ROBO2: variants seen among roughly 807,000 people sequenced by gnomAD.
ROBO2 encodes the protein roundabout guidance receptor 2.
A neutral mutation model predicts 160.8 loss-of-function variants in ROBO2; 53 were observed. The observed-to-expected ratio is 0.33, with a 90% CI of 0.26 to 0.41. The LOEUF (loss-of-function observed/expected upper bound fraction) is 0.41, where lower values mean the gene tolerates loss of function less well. Among genes scored for constraint, ROBO2 ranks in the 10% least tolerant of loss-of-function variants. The pLI, the probability that ROBO2 is intolerant of heterozygous loss-of-function variation, is 1.00. For missense variants in ROBO2, 1,577 were observed against 1,722.4 expected (o/e 0.92, Z 1.49); for synonymous variants, 664 against 611.7 (o/e 1.09, Z -1.26).
At position 76,227,623 on chromosome 3, in the gene ROBO2, T is replaced by A. The variant is rs1229392556; in HGVS notation, c.109+290021T>A. Among the ~76,000 whole-genome samples, 4 of 152,268 alleles carry A rather than the reference T, an allele frequency of 2.6e-5. No homozygotes were observed. The East Asian group carries it at 7.7e-4, about 29-fold the overall frequency. On this transcript the variant is annotated intron_variant, in intron 2 of 26. Coordinates refer to the ROBO2 transcript ENST00000487694. ...ATGTTTCCTTGAATCACTGTGAAAA[T>A]AAGCTTAGTATTTTTAAGAAATCCA...
intron 2 of ROBO2, among the ~76,000 whole-genome samples, chr3:77,224,172 A>G (rs1382827048): frequency 6.6e-6 from 1 of 151,992 alleles, no homozygotes; most frequent in South Asian, 2.1e-4. Flanking sequence ...GTTTTTGACA[A>G]ATGTGATGCC....
chr3:76,188,175 C>T (rs1000561236), intron 2 of ROBO2, among the ~76,000 whole-genome samples: 1 of 151,818 alleles, frequency 6.6e-6, no homozygotes, highest in Non-Finnish European at 1.5e-5. Flanking sequence ...GAAGTGTCCC[C>T]CAAAAGATAT....
At chr3:77,430,050 G>A (rs1412464770) in intron 2 of ROBO2, among the ~76,000 whole-genome samples, 1 of 152,140 alleles carries the variant, frequency 6.6e-6, no homozygotes, top group Non-Finnish European at 1.5e-5. Flanking sequence ...CATGGCACAG[G>A]CACTGAATGA....
Position 77,603,944 on chromosome 3 carries a change from A to T in ROBO2, c.3136+1453A>T. On this transcript the variant is annotated intron_variant, in intron 20 of 25. Transcript: ENST00000461745. ...TACTGAGATTTTGTTTTATTTTTTT[A>T]ATTACAGGTTATTTGTAAAAGACTA... 1.3e-5 allele frequency: 2 copies of T among 152,128 alleles called. 1 individual carries two copies. The highest frequency in any genetic ancestry group is 1.3e-4 in the Admixed American group (2 of 15,274). 9.4% of individuals were successfully genotyped at this position (152,128 alleles called of 1,614,324 possible).
At chr3:76,281,282 A>G (rs1291792465) in intron 2 of ROBO2, among the ~76,000 whole-genome samples, 5 of 151,884 alleles carry the variant, frequency 3.3e-5, no homozygotes, top group Admixed American at 1.3e-4. Context: ...GGAAATTTTG[A>G]TGACATAATA....
chr3:77,079,205 C>T (rs1247168109), intron 1 of ROBO2, among the ~76,000 whole-genome samples: 1 of 152,138 alleles, frequency 6.6e-6, no homozygotes, highest in East Asian at 1.9e-4. Context: ...CCTCAGCCTC[C>T]CAAAGTGCTG....
At chr3:77,081,157 G>C (rs1258883601) in intron 1 of ROBO2, among the ~76,000 whole-genome samples, 1 of 152,170 alleles carries the variant, frequency 6.6e-6, no homozygotes, top group African/African-American at 2.4e-5. Flanking sequence ...TCCAGTGTTT[G>C]CCTCTGATTG....
intron 2 of ROBO2, chr3:76,434,933 C>T (rs2076601687): frequency 7.5e-6 from 12 of 1,599,916 alleles, no homozygotes; most frequent in Non-Finnish European, 8.6e-6. Flanking sequence ...GCCCATCCCC[C>T]AAACCAGCCA....
chr3:76,062,808 T>C (rs962050463), intron 2 of ROBO2, among the ~76,000 whole-genome samples: 1 of 152,154 alleles, frequency 6.6e-6, no homozygotes, highest in Non-Finnish European at 1.5e-5. Flanking sequence ...CCCCAGATAA[T>C]GCCTTCTAGA....
At chr3:76,486,633 A>T (rs1450451592) in intron 2 of ROBO2, among the ~76,000 whole-genome samples, 2 of 152,298 alleles carry the variant, frequency 1.3e-5, no homozygotes, top group Non-Finnish European at 2.9e-5. Flanking sequence ...GATCAGTGAG[A>T]GTCTTCTCAA....
chr3:76,863,385 C>T (rs923112567), intron 2 of ROBO2, among the ~76,000 whole-genome samples: 9 of 150,414 alleles, frequency 6.0e-5, no homozygotes, highest in African/African-American at 2.2e-4. Context: ...CTACAGTGAG[C>T]TGTGATTACG....
rs2272163 is a variant in ROBO2, at chr3:77,622,570, C to A, written c.3760+138C>A. The A allele has an allele frequency of 0.38, 282,028 of 746,898 alleles. 54,492 individuals are homozygous for A. Among genetic ancestry groups the A allele is most frequent in the Admixed American group, 0.41 (15,032 of 37,092 alleles). 46.3% of individuals were successfully genotyped at this position (746,898 alleles called of 1,614,324 possible). The stretch of plus-strand genomic sequence containing the variant: ...ATTTTAAATGTGTTAATATTAAATA[C>A]AAAATTCAAAAAGGATTTGGAAATA... On this transcript the variant is annotated intron_variant, in intron 23 of 25. Coordinates refer to ENST00000461745, the Ensembl canonical transcript of ROBO2.
intron 2 of ROBO2, among the ~76,000 whole-genome samples, chr3:77,334,840 A>T (rs1343150519): frequency 6.6e-6 from 1 of 152,196 alleles, no homozygotes; most frequent in Non-Finnish European, 1.5e-5. Context: ...AAAACTCTGC[A>T]CAGTCCATAA....
intron 2 of ROBO2, among the ~76,000 whole-genome samples, chr3:76,716,622 T>C (rs2093383608): frequency 6.6e-6 from 1 of 152,232 alleles, no homozygotes; most frequent in African/African-American, 2.4e-5. Context: ...AATTATCTCT[T>C]ATGTAAACTT....
At chr3:75,928,643 A>G (rs879667425) in intron 1 of ROBO2, among the ~76,000 whole-genome samples, 2 of 152,138 alleles carry the variant, frequency 1.3e-5, no homozygotes, top group Non-Finnish European at 2.9e-5. Flanking sequence ...CTTTTTTCTT[A>G]TACACAGGAA....
At chr3:76,678,785 C>T (rs144435868) in intron 2 of ROBO2, among the ~76,000 whole-genome samples, 190 of 152,124 alleles carry the variant, frequency 1.2e-3, no homozygotes, top group African/African-American at 4.2e-3. Flanking sequence ...AACAAGTGCT[C>T]AATTTCTCTG....
At chr3:76,913,958 A>ACT (rs141464771) in intron 2 of ROBO2, among the ~76,000 whole-genome samples, 66,331 of 151,528 alleles carry the variant, frequency 0.44, 15,248 homozygotes, top group African/African-American at 0.59. Flanking sequence ...TACATGAGTA[A>ACT]CTGAGTAATA....
intron 2 of ROBO2, among the ~76,000 whole-genome samples, chr3:76,145,562 A>C (rs1400559028): frequency 2.0e-5 from 3 of 152,070 alleles, no homozygotes; most frequent in Non-Finnish European, 4.4e-5. Flanking sequence ...AAATTACTAG[A>C]CTATTATACC....
chr3:77,267,981 A>G (rs1029100408), intron 2 of ROBO2, among the ~76,000 whole-genome samples: 110 of 152,318 alleles, frequency 7.2e-4, no homozygotes, highest in African/African-American at 2.5e-3. Context: ...TCAGTGAAAT[A>G]AAAGATAAAT....
Sources: gnomAD v4.1 joint callset for allele counts (sites outside exome capture counted in the v4.1 genomes callset) on GRCh38, gnomAD v4.1.1 for gene constraint, MANE v1.5 for transcripts, NCBI Gene and HGNC (gene_info 2026-07-23, HGNC 2026-07-21) for gene names.